MMP24: variants seen among roughly 807,000 people sequenced by gnomAD.
MMP24 encodes matrix metalloproteinase-24.
MMP24 carries 25 observed loss-of-function variants against 62.8 expected under a neutral mutation model. The ratio of observed to expected loss-of-function variants is 0.40; its 90% CI spans 0.29 to 0.56. The LOEUF is 0.56. MMP24 is among the 20% of genes least tolerant of loss of function. The probability of loss-of-function intolerance (pLI) is 0.50; values close to 1 mark genes in which losing one functional copy is unlikely to be tolerated. For missense variants in MMP24, 634 were observed against 853.6 expected (o/e 0.74, Z 3.21); for synonymous variants, 319 against 350.5 (o/e 0.91, Z 1.00).
At chr20:35,234,333 T>TAA (rs2060452085) in intron 1 of MMP24, among the ~76,000 whole-genome samples, 1 of 152,206 alleles carries the variant, frequency 6.6e-6, no homozygotes. Flanking sequence ...ATTCCACTTA[T>TAA]CACCACTGTA....
intron 4 of MMP24, among the ~76,000 whole-genome samples, chr20:35,261,795 C>CTTTTTT (rs11335936): frequency 4.0e-4 from 36 of 88,992 alleles, no homozygotes; most frequent in African/African-American, 1.2e-3. Flanking sequence ...TCAGGGCATC[C>CTTTTTT]TTTTTTTTTT....
At chr20:35,266,901 C>T (rs545689124) in intron 5 of MMP24, among the ~76,000 whole-genome samples, 36 of 151,782 alleles carry the variant, frequency 2.4e-4, no homozygotes, top group Non-Finnish European at 3.7e-4. Flanking sequence ...GGGGCCAGTG[C>T]GTGTGAAGGG....
rs778351589 is a variant in MMP24, at chr20:35,241,764, TAG to T, written c.247-5074_247-5073del. On this transcript the variant is annotated intron_variant, in intron 1 of 8. Transcript: ENST00000246186. ...ACTGGAACGCTAGAGTGGGCTTATG[TAG>T]AAGACCCCCTGTTCCTCACTTCCTA... 3.0e-4 allele frequency among the ~76,000 whole-genome samples: 46 copies of T among 152,180 alleles called. 1 individual carries two copies. The highest frequency in any genetic ancestry group is 5.6e-4 in the Non-Finnish European group (38 of 68,036).
intron 7 of MMP24, among the ~76,000 whole-genome samples, chr20:35,270,251 C>T (rs1330185345): frequency 6.6e-6 from 1 of 152,160 alleles, no homozygotes; most frequent in African/African-American, 2.4e-5. Flanking sequence ...AGCTAAGGTG[C>T]CCACCCTGTA....
intron 1 of MMP24, among the ~76,000 whole-genome samples, chr20:35,236,352 G>C (rs1195876952): frequency 3.9e-5 from 6 of 152,170 alleles, no homozygotes; most frequent in Non-Finnish European, 8.8e-5. Context: ...TCCCCTCCCG[G>C]AGTTTTCTTT....
intron 1 of MMP24, among the ~76,000 whole-genome samples, chr20:35,246,177 G>A (rs995695639): frequency 4.6e-5 from 7 of 151,872 alleles, no homozygotes; most frequent in Non-Finnish European, 7.4e-5. Context: ...CGTGCTGGCC[G>A]GGCGCGGTGG....
chr20:35,248,598 G>A (rs1197198082), intron 2 of MMP24, among the ~76,000 whole-genome samples: 2 of 152,096 alleles, frequency 1.3e-5, no homozygotes, highest in African/African-American at 4.8e-5. Flanking sequence ...GTGAGCCACC[G>A]TGCCCAGCCT....
intron 1 of MMP24, among the ~76,000 whole-genome samples, chr20:35,244,065 A>G (rs1029458272): frequency 2.0e-4 from 31 of 152,260 alleles, no homozygotes; most frequent in African/African-American, 7.2e-4. Context: ...CCTTTGGTGA[A>G]GCAAATAATA....
intron 2 of MMP24, among the ~76,000 whole-genome samples, chr20:35,251,627 G>A (rs970223049): frequency 2.0e-5 from 3 of 152,166 alleles, no homozygotes; most frequent in African/African-American, 4.8e-5. Context: ...CACTTGCCTG[G>A]GGGTCCTATG....
chr20:35,269,614 C>T lies in MMP24; in HGVS notation c.1195-146C>T. 5.1e-6 allele frequency: 5 copies of T among 984,846 alleles called. No homozygotes were observed. The highest frequency in any genetic ancestry group is 7.3e-6 in the Non-Finnish European group (5 of 685,984). 61.0% of individuals were successfully genotyped at this position (984,846 alleles called of 1,614,324 possible). On this transcript the variant is annotated intron_variant, in intron 6 of 8. Coordinates refer to ENST00000246186, the MANE Select transcript of MMP24 (RefSeq NM_006690.4). This position sits in a 1 kb window ranked among gnomAD's most constrained non-coding sequence, Gnocchi z 4.6. ...ACAGTTACAGGAGCATCCTGTCTTC[C>T]TCCCAGGGCTTTAAAAGTCAGAAGC... is the stretch of plus-strand genomic sequence containing the variant.
At position 35,267,397 on chromosome 20, in the gene MMP24, G is replaced by T; in HGVS notation, c.1172G>T (p.Arg391Leu). The change falls in exon 6 of 9, where the codon CGG (arginine) becomes CTG (leucine). Residue 391 changes from arginine to leucine, a missense_variant. Coordinates refer to ENST00000246186, the MANE Select transcript of MMP24 (RefSeq NM_006690.4). ...DGNFNTVALFRGEMFVFKDRW... is the reference protein window; with the variant it reads ...DGNFNTVALFLGEMFVFKDRW... ...AACTTCAACACAGTGGCCCTCTTCC[G>T]GGGCGAGATGTTTGTCTTTAAGGTA... The T allele has an allele frequency of 6.4e-7, 1 of 1,560,312 alleles. No homozygotes were observed. Among genetic ancestry groups the T allele is most frequent in the East Asian group, 2.4e-5 (1 of 41,406 alleles).
chr20:35,246,126 CACA>C (rs913249024), intron 1 of MMP24, among the ~76,000 whole-genome samples: 6 of 151,832 alleles, frequency 4.0e-5, no homozygotes, highest in Non-Finnish European at 8.8e-5. Flanking sequence ...TTCTGGGTGG[CACA>C]ACATTTTCAA....
intron 6 of MMP24, 42 bp downstream of exon 6, chr20:35,267,461 T>C: frequency 6.6e-7 from 1 of 1,517,782 alleles, no homozygotes; most frequent in Non-Finnish European, 9.0e-7. Flanking sequence ...GCCCCTGACC[T>C]TTCCTCCTCC....
intron 2 of MMP24, among the ~76,000 whole-genome samples, chr20:35,248,307 T>C (rs6088778): frequency 0.23 from 27,743 of 119,834 alleles, 2,766 homozygotes; most frequent in African/African-American, 0.36. Flanking sequence ...TCCCCCCCCC[T>C]TTTTTTTTTT....
rs1017332331 is a variant in MMP24, at chr20:35,276,819, ATC to A, written c.*2212_*2213del. 1 of 153,108 alleles carries A rather than the reference ATC, an allele frequency of 6.5e-6. No individual in the cohort carries two copies. The highest frequency in any genetic ancestry group is 1.9e-4 in the East Asian group (1 of 5,188). 9.5% of individuals were successfully genotyped at this position (153,108 alleles called of 1,614,324 possible). A position where few individuals can be genotyped will look rare whatever the true frequency, so the allele number is the denominator to read the frequency against. On this transcript the variant is annotated 3_prime_UTR_variant, in exon 9 of 9. Transcript: ENST00000246186. ...ATCTCAGATTCTCCTGCCTGTGGTC[ATC>A]TGTTTGTCCATCACCCCAGGACAGG... is the stretch of plus-strand genomic sequence containing the variant.
chr20:35,247,984 A>C (rs1004630362), intron 2 of MMP24, among the ~76,000 whole-genome samples: 1 of 152,190 alleles, frequency 6.6e-6, no homozygotes, highest in Non-Finnish European at 1.5e-5. Flanking sequence ...AGAGAGTTGA[A>C]CAGCCTTAAA....
intron 1 of MMP24, among the ~76,000 whole-genome samples, chr20:35,230,849 A>C (rs2060434515): frequency 6.6e-6 from 1 of 152,130 alleles, no homozygotes; most frequent in African/African-American, 2.4e-5. Flanking sequence ...AGCATTTTTC[A>C]TCATCATTGA....
Position 35,274,560 on chromosome 20 carries a change from G to A in MMP24, c.1889G>A (p.Gly630Asp), listed in dbSNP as rs2060692886. ...ATCTTCCAGTTCAAGAACAAGACAG[G>A]CCCTCAGCCTGTCACCTACTATAAG... ...YTIFQFKNKT[G>D]PQPVTYYKRP... The change falls in exon 9 of 9, where the codon GGC (glycine) becomes GAC (aspartate). Residue 630 changes from glycine to aspartate, a missense_variant. Physicochemically the swap from Gly to Asp is moderately conservative, Grantham distance 94. Around this residue, in one of 3 missense-constraint regions of MMP24, gnomAD observed 399 missense variants for 530.8 expected, o/e 0.75. Coordinates refer to ENST00000246186, the MANE Select transcript of MMP24 (RefSeq NM_006690.4). The surrounding 1 kb of genome is among the most constrained non-coding windows in gnomAD (Gnocchi z 5.1). 4 of 1,613,978 alleles carry A rather than the reference G, an allele frequency of 2.5e-6. No homozygotes were observed. Among genetic ancestry groups the A allele is most frequent in the Admixed American group, 1.7e-5 (1 of 60,002 alleles).
intron 4 of MMP24, among the ~76,000 whole-genome samples, chr20:35,255,021 C>T (rs924705463): frequency 6.6e-6 from 1 of 151,974 alleles, no homozygotes; most frequent in Non-Finnish European, 1.5e-5. Flanking sequence ...AAGTAATGGA[C>T]CAGAGGCTGA....
Sources: gnomAD v4.1 joint callset for allele counts (sites outside exome capture counted in the v4.1 genomes callset) on GRCh38, gnomAD v4.1.1 for gene constraint, gnomAD v4.1.1 regional missense constraint, Gnocchi (gnomAD v3.1) non-coding constraint, MANE v1.5 for transcripts, NCBI Gene and HGNC (gene_info 2026-07-23, HGNC 2026-07-21) for gene names.